The following TNFRSF8 variants were observed in gnomAD, a reference collection of about 807,000 sequenced individuals.
TNFRSF8 encodes the protein tumor necrosis factor receptor superfamily member 8.
TNFRSF8 carries 26 observed loss-of-function variants against 70.8 expected under a neutral mutation model. The observed-to-expected ratio is 0.37, with a 90% CI of 0.27 to 0.51. TNFRSF8 has a LOEUF of 0.51. TNFRSF8 is among the 20% of genes least tolerant of loss of function. TNFRSF8 has a pLI of 0.94. For synonymous variants in TNFRSF8, 356 were observed against 339.2 expected (o/e 1.05, Z -0.54); for missense variants, 720 against 807.9 (o/e 0.89, Z 1.32).
chr1:12,083,421 G>T (rs189637531), intron 1 of TNFRSF8, among the ~76,000 whole-genome samples: 369 of 152,360 alleles, frequency 2.4e-3, no homozygotes, highest in Non-Finnish European at 3.8e-3. Flanking sequence ...CGGAGTGGTG[G>T]CTCATACCTG....
chr1:12,133,653 T>C (rs1156313642), intron 12 of TNFRSF8, among the ~76,000 whole-genome samples: 2 of 147,166 alleles, frequency 1.4e-5, no homozygotes, highest in African/African-American at 2.5e-5. Flanking sequence ...GGCAGGAGAA[T>C]CGCTTGAACC....
At position 12,108,074 on chromosome 1, in the gene TNFRSF8, A is replaced by ACTTTTTTTTTTTTTTTTTTTTTTTT. The variant is rs1553156303; in HGVS notation, c.422-1492_422-1491insCTTTTTTTTTTTTTTTTTTTTTTTT. On this transcript the variant is annotated intron_variant, in intron 4 of 14. Coordinates refer to ENST00000263932, the MANE Select transcript of TNFRSF8 (RefSeq NM_001243.5). This position sits in a 1 kb window ranked among gnomAD's most constrained non-coding sequence, Gnocchi z 4.0. The stretch of plus-strand genomic sequence containing the variant: ...CGAAGTCCCACACATACAGGCCACC[A>ACTTTTTTTTTTTTTTTTTTTTTTTT]TTTTTTTATTTTTTTTTTTTTTGTG... Among the ~76,000 whole-genome samples, 1 of 146,128 alleles carries ACTTTTTTTTTTTTTTTTTTTTTTTT rather than the reference A, an allele frequency of 6.8e-6. No homozygotes were observed. The highest frequency in any genetic ancestry group is 2.5e-5 in the African/African-American group (1 of 39,678).
At chr1:12,098,759 T>G (rs1199254112) in intron 3 of TNFRSF8, among the ~76,000 whole-genome samples, 3 of 152,180 alleles carry the variant, frequency 2.0e-5, no homozygotes, top group Non-Finnish European at 4.4e-5. Flanking sequence ...ATCTACTATC[T>G]CTTGCAGTAA....
chr1:12,133,135 A>G (rs943595869), intron 12 of TNFRSF8, among the ~76,000 whole-genome samples: 1 of 151,976 alleles, frequency 6.6e-6, no homozygotes, highest in African/African-American at 2.4e-5. Flanking sequence ...CTTTCGGGTT[A>G]TTTCCTGAGG....
intron 12 of TNFRSF8, among the ~76,000 whole-genome samples, chr1:12,132,744 A>T (rs1443252650): frequency 6.8e-6 from 1 of 148,104 alleles, no homozygotes; most frequent in African/African-American, 2.5e-5. Context: ...AGGCTGAGGC[A>T]GGAGGATCGC....
In TNFRSF8 at chr1:12,142,453, C is replaced by T; in HGVS notation, c.1710C>T (p.Gly570=). 6.2e-7 allele frequency: 1 copy of T among 1,612,142 alleles called. No individual in the cohort carries two copies. Among genetic ancestry groups the T allele is most frequent in the Non-Finnish European group, 8.5e-7 (1 of 1,179,310 alleles). Residue 570 remains glycine (G), a synonymous_variant, in exon 15 of 15, where the codon GGC becomes GGT. Coordinates refer to ENST00000263932, the MANE Select transcript of TNFRSF8 (RefSeq NM_001243.5). This position sits in a 1 kb window ranked among gnomAD's most constrained non-coding sequence, Gnocchi z 5.0. ...AGCAGGAGACAGAACCGCCTCTGGG[C>T]AGCTGCAGCGATGTCATGCTCTCAG... ...YPEQETEPPL[G]SCSDVMLSVE...
At chr1:12,078,743 C>A (rs571270796) in intron 1 of TNFRSF8, among the ~76,000 whole-genome samples, 1 of 152,198 alleles carries the variant, frequency 6.6e-6, no homozygotes, top group African/African-American at 2.4e-5. Context: ...CTCGTCCTTA[C>A]GTCTCAGTCT....
intron 1 of TNFRSF8, among the ~76,000 whole-genome samples, chr1:12,082,660 T>G (rs1458068899): frequency 6.6e-6 from 1 of 151,584 alleles, no homozygotes; most frequent in African/African-American, 2.4e-5. Context: ...CTTCACACCA[T>G]GTACAAGAAT....
At chr1:12,100,190 GAT>G (rs1395785611) in intron 3 of TNFRSF8, among the ~76,000 whole-genome samples, 1 of 151,734 alleles carries the variant, frequency 6.6e-6, no homozygotes, top group Non-Finnish European at 1.5e-5. Flanking sequence ...TGATATGAAA[GAT>G]AAAAAAAATG....
chr1:12,081,403 C>T (rs765200247), intron 1 of TNFRSF8, among the ~76,000 whole-genome samples: 5 of 152,100 alleles, frequency 3.3e-5, no homozygotes, highest in Admixed American at 6.5e-5. Context: ...TGAACTCACC[C>T]AGTGAGATGC....
In TNFRSF8 at chr1:12,113,599, G is replaced by GAC. The variant is rs60679086; in HGVS notation, c.793+1586_793+1587insCA. Among the ~76,000 whole-genome samples, 151,068 of 151,510 alleles carry GAC rather than the reference G, an allele frequency of 1. 75,315 individuals carry two copies. The highest frequency in any genetic ancestry group is 1 in the East Asian group (5,120 of 5,126). On this transcript the variant is annotated intron_variant, in intron 7 of 14. Coordinates refer to ENST00000263932, the MANE Select transcript of TNFRSF8 (RefSeq NM_001243.5). The surrounding 1 kb of genome is among the most constrained non-coding windows in gnomAD (Gnocchi z 4.9). Reference sequence around the variant, plus strand: ...AAAGAGACAGAATGAGAGGGAGAGAGAGAGTGAGAGAGAGACAGAAAGAGG... The same window carrying GAC: ...AAAGAGACAGAATGAGAGGGAGAGAGACAGAGTGAGAGAGAGACAGAAAGAGG...
In TNFRSF8 at chr1:12,138,514, AG is replaced by A; in HGVS notation, c.1543+81del. 7.3e-7 allele frequency: 1 copy of A among 1,364,654 alleles called. No individual in the cohort carries two copies. The highest frequency in any genetic ancestry group is 9.9e-7 in the Non-Finnish European group (1 of 1,011,690). 84.5% of individuals were successfully genotyped at this position (1,364,654 alleles called of 1,614,324 possible). ...TGAATACGGGGCCCTGGGCCCTGGA[AG>A]GGACCTGGAGACCCTGGAGTTGAAA... On this transcript the variant is annotated intron_variant, in intron 14 of 14. Transcript: ENST00000263932. The surrounding 1 kb of genome is among the most constrained non-coding windows in gnomAD (Gnocchi z 5.7).
At chr1:12,132,972 G>T (rs541650553) in intron 12 of TNFRSF8, among the ~76,000 whole-genome samples, 13 of 152,242 alleles carry the variant, frequency 8.5e-5, no homozygotes, top group African/African-American at 3.1e-4. Flanking sequence ...GAGGACAGAG[G>T]CTCGGAGAAG....
intron 8 of TNFRSF8, among the ~76,000 whole-genome samples, chr1:12,118,751 C>T (rs1485790335): frequency 1.3e-5 from 2 of 152,232 alleles, no homozygotes; most frequent in Non-Finnish European, 2.9e-5. Context: ...ACGATGGCTC[C>T]GCCTTTCTCC....
intron 2 of TNFRSF8, among the ~76,000 whole-genome samples, chr1:12,094,618 T>G (rs1386779330): frequency 2.0e-5 from 3 of 150,830 alleles, no homozygotes; most frequent in Non-Finnish European, 4.4e-5. Flanking sequence ...AGCTAGTTTT[T>G]TTTTTTTTTT....
At chr1:12,129,978 T>G (rs935293639) in intron 12 of TNFRSF8, among the ~76,000 whole-genome samples, 19 of 150,160 alleles carry the variant, frequency 1.3e-4, no homozygotes, top group African/African-American at 4.4e-4. Flanking sequence ...GATCTCGGCT[T>G]ACTGCAACCC....
intron 4 of TNFRSF8, among the ~76,000 whole-genome samples, chr1:12,105,559 A>ACTCT (rs945964493): frequency 8.7e-6 from 1 of 115,092 alleles, no homozygotes; most frequent in African/African-American, 3.1e-5. Context: ...TCACTCACTC[A>ACTCT]CTCTCTCTCT....
intron 13 of TNFRSF8, among the ~76,000 whole-genome samples, chr1:12,136,465 A>G (rs1023852669): frequency 7.2e-5 from 11 of 152,070 alleles, no homozygotes; most frequent in Admixed American, 5.2e-4. Context: ...CCTTGCCAAC[A>G]TAGTGAAACC....
rs1641645299 is a variant in TNFRSF8, at chr1:12,112,149, ATAT to A, written c.793+140_793+142del. 3 of 614,490 alleles carry A rather than the reference ATAT, an allele frequency of 4.9e-6. No homozygotes were observed. Among genetic ancestry groups the A allele is most frequent in the Admixed American group, 3.1e-5 (1 of 32,290 alleles). 38.1% of individuals were successfully genotyped at this position (614,490 alleles called of 1,614,324 possible). ...CTCTTTTCAGAGGGCTTCCATTGGC[ATAT>A]TATTTCCTTCCAGGAAGCGTTTGTG... On this transcript the variant is annotated intron_variant, in intron 7 of 14. Transcript: ENST00000263932. The surrounding 1 kb of genome is among the most constrained non-coding windows in gnomAD (Gnocchi z 5.3).
Sources: gnomAD v4.1 joint callset for allele counts (sites outside exome capture counted in the v4.1 genomes callset) on GRCh38, gnomAD v4.1.1 for gene constraint, Gnocchi (gnomAD v3.1) non-coding constraint, MANE v1.5 for transcripts, NCBI Gene and HGNC (gene_info 2026-07-23, HGNC 2026-07-21) for gene names.